Variants in SCAMP2 observed in about 807,000 individuals in gnomAD.
SCAMP2 encodes the protein secretory carrier membrane protein 2.
A neutral mutation model predicts 44.1 loss-of-function variants in SCAMP2; 25 were observed. The observed-to-expected ratio is 0.57, with a 90% CI of 0.41 to 0.79. The LOEUF (loss-of-function observed/expected upper bound fraction) is 0.79. Ranked by LOEUF, SCAMP2 falls within the 30% of genes least tolerant of loss-of-function variation. The pLI, the probability that SCAMP2 is intolerant of heterozygous loss-of-function variation, is 0.00. For synonymous variants in SCAMP2, 156 were observed against 166.0 expected, an observed-to-expected ratio of 0.94 and a Z score of 0.46; for missense variants, 355 against 411.0, an observed-to-expected ratio of 0.86 and a Z score of 1.18.
intron 1 of SCAMP2, among the ~76,000 whole-genome samples, chr15:74,860,218 C>A (rs2064494143): frequency 2.0e-5 from 3 of 151,964 alleles, no homozygotes; most frequent in Non-Finnish European, 2.9e-5. Flanking sequence ...TCAGACCAGC[C>A]AATATGGCCA....
chr15:74,865,814 G>A (rs181020247), intron 1 of SCAMP2, among the ~76,000 whole-genome samples: 103 of 138,232 alleles, frequency 7.5e-4, no homozygotes, highest in Non-Finnish European at 1.3e-3. Context: ...AGCCAGGCAC[G>A]ATGGTGTTTG....
intron 2 of SCAMP2, 101 bp from the exon 3 acceptor site, chr15:74,854,220 A>T: frequency 2.8e-6 from 3 of 1,071,938 alleles, no homozygotes; most frequent in South Asian, 2.6e-5. Context: ...CCTGCCTGTG[A>T]GGGGACTCCC....
At chr15:74,863,894 G>C (rs760557453) in intron 1 of SCAMP2, among the ~76,000 whole-genome samples, 18 of 152,164 alleles carry the variant, frequency 1.2e-4, no homozygotes, top group Non-Finnish European at 2.1e-4. Context: ...GACACAGTGT[G>C]ATCATAGAGG....
At chr15:74,851,891 C>T (rs556672124) in intron 4 of SCAMP2, 178 bp downstream of exon 4, 11 of 510,110 alleles carry the variant, frequency 2.2e-5, no homozygotes, top group African/African-American at 1.9e-4. Context: ...TACAACTACA[C>T]TGCAGGTCTC....
chr15:74,846,446 CAAAAAA>C (rs35643920), intron 7 of SCAMP2, among the ~76,000 whole-genome samples: 1 of 109,438 alleles, frequency 9.1e-6, no homozygotes, highest in Non-Finnish European at 1.8e-5. Flanking sequence ...ACCCTGTCTC[CAAAAAA>C]AAAAAAAAAA....
At chr15:74,862,124 G>A (rs960448384) in intron 1 of SCAMP2, among the ~76,000 whole-genome samples, 2 of 149,636 alleles carry the variant, frequency 1.3e-5, no homozygotes, top group East Asian at 2.0e-4. Flanking sequence ...TTAGCCAGGC[G>A]TGGTGGCATG....
chr15:74,855,538 G>A (rs569770499), intron 1 of SCAMP2, among the ~76,000 whole-genome samples: 1 of 151,432 alleles, frequency 6.6e-6, no homozygotes, highest in African/African-American at 2.4e-5. Context: ...CCAACATGGA[G>A]AAACCCCGTC....
chr15:74,872,503 T>C (rs1237060682), intron 1 of SCAMP2, among the ~76,000 whole-genome samples: 1 of 151,816 alleles, frequency 6.6e-6, no homozygotes, highest in African/African-American at 2.4e-5. Context: ...AAACGTTCCC[T>C]GTGGGTCCAG....
chr15:74,867,779 T>C (rs1450947787), intron 1 of SCAMP2, among the ~76,000 whole-genome samples: 1 of 152,206 alleles, frequency 6.6e-6, no homozygotes, highest in East Asian at 1.9e-4. Context: ...AAGGAGGCAA[T>C]GTGTGAAAGT....
At chr15:74,851,800 T>G in intron 4 of SCAMP2, 1 of 453,120 alleles carries the variant, frequency 2.2e-6, no homozygotes, top group Non-Finnish European at 3.9e-6. Context: ...AGCAAGGAAT[T>G]GTGGGACCAA....
At chr15:74,859,701 C>T (rs2064490547) in intron 1 of SCAMP2, among the ~76,000 whole-genome samples, 1 of 151,186 alleles carries the variant, frequency 6.6e-6, no homozygotes, top group South Asian at 2.1e-4. Context: ...ACTACAATCT[C>T]CACCTCCCAG....
At chr15:74,872,087 A>C (rs888675528) in intron 1 of SCAMP2, among the ~76,000 whole-genome samples, 2 of 151,128 alleles carry the variant, frequency 1.3e-5, no homozygotes, top group African/African-American at 2.4e-5. Flanking sequence ...AAAAGAAAGA[A>C]AGCAGGAAGA....
intron 1 of SCAMP2, among the ~76,000 whole-genome samples, chr15:74,867,097 CAGTG>C (rs1310405429): frequency 6.6e-6 from 1 of 152,174 alleles, no homozygotes; most frequent in Admixed American, 6.6e-5. Context: ...GCCCCAGCCT[CAGTG>C]AGTATTTCTT....
At chr15:74,860,807 T>C (rs918432451) in intron 1 of SCAMP2, among the ~76,000 whole-genome samples, 3 of 150,504 alleles carry the variant, frequency 2.0e-5, no homozygotes, top group Non-Finnish European at 4.4e-5. Context: ...CCAAGATCAC[T>C]GCGCAGCACT....
chr15:74,853,067 A>G (rs1298373186), intron 3 of SCAMP2: 2 of 261,186 alleles, frequency 7.7e-6, no homozygotes, highest in Non-Finnish European at 7.8e-6. Flanking sequence ...ACACACACCA[A>G]CCTCTCCAAA....
chr15:74,871,926 TCCCAG>T (rs1018418151), intron 1 of SCAMP2, among the ~76,000 whole-genome samples: 16 of 148,014 alleles, frequency 1.1e-4, no homozygotes, highest in Admixed American at 3.4e-4. Flanking sequence ...ACACCTGTAA[TCCCAG>T]TTTCTCGGGA....
In SCAMP2 at chr15:74,850,438, C is replaced by A. The variant is rs2064427647; in HGVS notation, c.632+76G>T. 7.6e-6 allele frequency: 10 copies of A among 1,318,834 alleles called. No individual in the cohort carries two copies. In the East Asian group the frequency reaches 1.2e-4, roughly 15 times the overall value. 81.7% of individuals were successfully genotyped at this position (1,318,834 alleles called of 1,614,324 possible). A position where few individuals can be genotyped will look rare whatever the true frequency, so the allele number is the denominator to read the frequency against. On this transcript the variant is annotated intron_variant, in intron 6 of 8. Transcript: ENST00000268099. Reference sequence around the variant, plus strand: ...TCTGCTCTAAGACTCAGATGGGGTCCCAGGGCCTATAGCCCTTAGCCTGCT... The same window carrying A: ...TCTGCTCTAAGACTCAGATGGGGTCACAGGGCCTATAGCCCTTAGCCTGCT...
chr15:74,872,250 TA>T (rs1470700916), intron 1 of SCAMP2, among the ~76,000 whole-genome samples: 7 of 151,860 alleles, frequency 4.6e-5, no homozygotes, highest in African/African-American at 1.7e-4. Flanking sequence ...CCGTCTCTAC[TA>T]AAAGTATGAA....
At position 74,851,464 on chromosome 15, in the gene SCAMP2, G is replaced by A. The variant is rs1255931221; in HGVS notation, c.361C>T (p.Pro121Ser). Reference sequence around the variant, plus strand: ...ACAGGGCACCACGAGGGCAGAGGGGGCCAGTTGTTCTGTCTCACTGGGTAG... The same window carrying A: ...ACAGGGCACCACGAGGGCAGAGGGGACCAGTTGTTCTGTCTCACTGGGTAG... ...ANLHVRQNNW[P>S]PLPSWCPVKP... The change falls in exon 5 of 9, where the codon CCC becomes TCC. Residue 121 changes from proline to serine, a missense_variant. By Grantham distance (74) the Pro-to-Ser change is moderately conservative. Coordinates refer to ENST00000268099, the MANE Select transcript of SCAMP2 (RefSeq NM_005697.5). 4.3e-6 allele frequency: 7 copies of A among 1,613,954 alleles called. No individual in the cohort carries two copies. The highest frequency in any genetic ancestry group is 5.9e-6 in the Non-Finnish European group (7 of 1,179,840).
Sources: allele counts gnomAD v4.1 joint callset (sites outside exome capture counted in the v4.1 genomes callset), GRCh38; gene constraint gnomAD v4.1.1; transcripts MANE v1.5; gene names NCBI Gene and HGNC (gene_info 2026-07-23, HGNC 2026-07-21).